KIAA1958: variants seen among roughly 807,000 people sequenced by gnomAD.
The protein encoded by KIAA1958 is KIAA1958, also known as uncharacterized protein KIAA1958.
Under a neutral mutation model 47.2 loss-of-function variants are expected in KIAA1958, and 14 were observed. The ratio of observed to expected loss-of-function variants is 0.30; its 90% CI spans 0.20 to 0.46. The LOEUF is 0.46. Ranked by LOEUF, KIAA1958 falls within the 20% of genes least tolerant of loss-of-function variation. The pLI is 1.00. For synonymous variants in KIAA1958, 354 were observed against 353.3 expected (o/e 1.00, Z -0.02); for missense variants, 803 against 909.2 (o/e 0.88, Z 1.50).
intron 2 of KIAA1958, among the ~76,000 whole-genome samples, chr9:112,640,411 G>A (rs1052265538): frequency 5.9e-5 from 9 of 151,942 alleles, no homozygotes; most frequent in South Asian, 2.1e-4. Context: ...TTTCTGTATC[G>A]TTTCTCCATA....
intron 1 of KIAA1958, among the ~76,000 whole-genome samples, chr9:112,566,119 G>A (rs528539546): frequency 1.3e-5 from 2 of 152,094 alleles, no homozygotes; most frequent in South Asian, 2.1e-4. Context: ...TAGCCAGGAT[G>A]GTCTTGATCT....
At chr9:112,570,178 G>GTTGT (rs903623695) in intron 1 of KIAA1958, among the ~76,000 whole-genome samples, 5 of 152,214 alleles carry the variant, frequency 3.3e-5, no homozygotes, top group African/African-American at 1.2e-4. Context: ...ACCATTTAAT[G>GTTGT]TTGTTTGTTT....
At chr9:112,564,899 A>C (rs961617563) in intron 1 of KIAA1958, among the ~76,000 whole-genome samples, 1 of 152,208 alleles carries the variant, frequency 6.6e-6, no homozygotes, top group African/African-American at 2.4e-5. Flanking sequence ...TCTGCCATTT[A>C]CTTTGTGCAA....
intron 1 of KIAA1958, among the ~76,000 whole-genome samples, chr9:112,543,551 T>C (rs1382660955): frequency 1.4e-5 from 2 of 142,526 alleles, no homozygotes; most frequent in South Asian, 2.3e-4. Context: ...CACTTTACCA[T>C]TGAGCTTCTG....
chr9:112,525,220 G>A (rs1161986628), intron 1 of KIAA1958, among the ~76,000 whole-genome samples: 1 of 152,192 alleles, frequency 6.6e-6, no homozygotes, highest in African/African-American at 2.4e-5. Context: ...GTCAGAGATG[G>A]TTGCATCAAT....
intron 2 of KIAA1958, among the ~76,000 whole-genome samples, chr9:112,634,156 T>C (rs768565003): frequency 1.3e-5 from 2 of 152,228 alleles, no homozygotes; most frequent in Non-Finnish European, 2.9e-5. Context: ...AATTTCGTTT[T>C]CCATTTTAGA....
intron 1 of KIAA1958, among the ~76,000 whole-genome samples, chr9:112,542,100 A>T (rs1834954392): frequency 6.6e-6 from 1 of 152,262 alleles, no homozygotes; most frequent in Non-Finnish European, 1.5e-5. Flanking sequence ...GTGTACTCTT[A>T]ATAAATCTAT....
chr9:112,547,538 GAGTTC>G (rs1303087480), intron 1 of KIAA1958, among the ~76,000 whole-genome samples: 3 of 151,936 alleles, frequency 2.0e-5, no homozygotes, highest in African/African-American at 7.3e-5. Context: ...CCTTCCTTTG[GAGTTC>G]AGACACAATT....
chr9:112,617,845 A>G (rs1416470691), intron 2 of KIAA1958: 26 of 1,521,730 alleles, frequency 1.7e-5, no homozygotes, highest in Non-Finnish European at 2.1e-5. Context: ...CACCCTCTCT[A>G]TCCCTCCCCC....
chr9:112,655,440 T>A (rs1446491573), intron 3 of KIAA1958, among the ~76,000 whole-genome samples: 1 of 152,184 alleles, frequency 6.6e-6, no homozygotes, highest in African/African-American at 2.4e-5. Context: ...AGAGATTGAA[T>A]CATTTTTACG....
At chr9:112,616,730 A>G (rs1836413386) in intron 2 of KIAA1958, among the ~76,000 whole-genome samples, 1 of 152,176 alleles carries the variant, frequency 6.6e-6, no homozygotes, top group South Asian at 2.1e-4. Flanking sequence ...GTGATTTTTG[A>G]CAAAATATTT....
At position 112,614,219 on chromosome 9, in the gene KIAA1958, A is replaced by G. The variant is rs139996706; in HGVS notation, c.1172-31431A>G. 2.7e-3 allele frequency among the ~76,000 whole-genome samples: 413 copies of G among 151,348 alleles called. 8 individuals carry two copies. The highest frequency in any genetic ancestry group is 9.5e-3 in the African/African-American group (393 of 41,486). ...TTACAATAATAGGCCAAACAAAACTATGATGTTTCAAGTCAGGAGAGCGGG... is the reference window on the plus strand; with the variant it reads ...TTACAATAATAGGCCAAACAAAACTGTGATGTTTCAAGTCAGGAGAGCGGG... On this transcript the variant is annotated intron_variant, in intron 2 of 3. Transcript: ENST00000337530.
chr9:112,647,116 A>G (rs780193584), intron 3 of KIAA1958, among the ~76,000 whole-genome samples: 18 of 152,126 alleles, frequency 1.2e-4, no homozygotes, highest in Non-Finnish European at 2.5e-4. Context: ...GGTACACTAC[A>G]TAGTGTGAGG....
intron 3 of KIAA1958, among the ~76,000 whole-genome samples, chr9:112,650,047 A>G (rs114353825): frequency 0.014 from 2,064 of 152,008 alleles, 40 homozygotes; most frequent in African/African-American, 0.047. Context: ...TATTAAATTG[A>G]TACAGAAAAA....
intron 1 of KIAA1958, among the ~76,000 whole-genome samples, chr9:112,517,836 G>A (rs1281324479): frequency 2.0e-5 from 3 of 152,138 alleles, no homozygotes; most frequent in Admixed American, 1.3e-4. Flanking sequence ...TAAGATGTTC[G>A]ATGTCATTGA....
intron 1 of KIAA1958, among the ~76,000 whole-genome samples, chr9:112,511,999 T>A (rs1024305558): frequency 6.6e-6 from 1 of 152,226 alleles, no homozygotes; most frequent in Non-Finnish European, 1.5e-5. Flanking sequence ...TGAGCAGTCC[T>A]GTATCTGTTA....
At chr9:112,515,914 G>T (rs1434448893) in intron 1 of KIAA1958, among the ~76,000 whole-genome samples, 27 of 31,366 alleles carry the variant, frequency 8.6e-4, no homozygotes, top group South Asian at 4.4e-3. Context: ...AAAAAAAAAA[G>T]ACTGAATGCT....
chr9:112,496,500 G>T (rs776984466), intron 1 of KIAA1958, among the ~76,000 whole-genome samples: 8 of 152,276 alleles, frequency 5.3e-5, no homozygotes, highest in Non-Finnish European at 1.2e-4. Context: ...TTACATAAGT[G>T]GGTTCTGTTT....
rs1273154191 is a variant in KIAA1958 at position 112,486,907 on chromosome 9, A to C, written c.-236A>C. 1 of 138,444 alleles carries C rather than the reference A, an allele frequency of 7.2e-6. No individual in the cohort carries two copies. Among genetic ancestry groups the C allele is most frequent in the African/African-American group, 2.6e-5 (1 of 37,804 alleles). 8.6% of individuals were successfully genotyped at this position (138,444 alleles called of 1,614,324 possible). The stretch of plus-strand genomic sequence containing the variant: ...GCGGCGCGCGGCGGTCGGCCGAGCC[A>C]GGCTGGCGCCCCCGCCCCCCGCCCC... On this transcript the variant is annotated 5_prime_UTR_variant, in exon 1 of 4. Transcript: ENST00000337530.
Sources: allele counts gnomAD v4.1 joint callset (sites outside exome capture counted in the v4.1 genomes callset), GRCh38; gene constraint gnomAD v4.1.1; transcripts MANE v1.5; gene names NCBI Gene and HGNC (gene_info 2026-07-23, HGNC 2026-07-21).